PCDHGB5: variants seen among roughly 807,000 people sequenced by gnomAD.
The protein encoded by PCDHGB5 is protocadherin gamma-B5.
In PCDHGB5, 48 loss-of-function variants were observed where a neutral mutation model predicts 62.9. That is an observed-to-expected ratio of 0.76 (90% CI 0.61 to 0.97). PCDHGB5 has a LOEUF of 0.97. Ranked by LOEUF, PCDHGB5 falls within the 50% of genes least tolerant of loss-of-function variation. The pLI, the probability that PCDHGB5 is intolerant of heterozygous loss-of-function variation, is 0.00. For missense variants in PCDHGB5, 1,118 were observed against 1,198.6 expected, an observed-to-expected ratio of 0.93 and a Z score of 0.99; for synonymous variants, 474 against 511.2, an observed-to-expected ratio of 0.93 and a Z score of 0.98.
chr5:141,497,211 G>C (rs914346878), intron 2 of PCDHGB5, among the ~76,000 whole-genome samples: 19 of 28,538 alleles, frequency 6.7e-4, no homozygotes, highest in African/African-American at 2.3e-3. Flanking sequence ...GAGTGTAATG[G>C]GGGGGGGAAG....
At position 141,494,885 on chromosome 5, in the gene PCDHGB5, G is replaced by T; in HGVS notation, c.2456+20G>T. The T allele has an allele frequency of 6.8e-6, 11 of 1,614,082 alleles. No homozygotes were observed. The highest frequency in any genetic ancestry group is 8.5e-6 in the Non-Finnish European group (10 of 1,179,992). Reference sequence around the variant, plus strand: ...CAGCGGGTAGGTGACTGATTCTCCAGCCCACCCTCTTCTCTGCGGCATTTT... The same window carrying T: ...CAGCGGGTAGGTGACTGATTCTCCATCCCACCCTCTTCTCTGCGGCATTTT... On this transcript the variant is annotated intron_variant, in intron 2 of 3. Transcript: ENST00000617380.
At chr5:141,456,309 A>T (rs1305324857) in intron 1 of PCDHGB5, among the ~76,000 whole-genome samples, 1 of 152,138 alleles carries the variant, frequency 6.6e-6, no homozygotes, top group Non-Finnish European at 1.5e-5. Flanking sequence ...AACAGCAGCT[A>T]GGGCTCCTCC....
chr5:141,477,059 A>G lies in PCDHGB5; in HGVS notation c.2398-17748A>G. On this transcript the variant is annotated intron_variant, in intron 1 of 3. Coordinates refer to ENST00000617380, the MANE Select transcript of PCDHGB5 (RefSeq NM_018925.3). This position sits in a 1 kb window ranked among gnomAD's most constrained non-coding sequence, Gnocchi z 4.9. ...CAAGGGTCGGCTGGACTTCGAGGAC[A>G]CCAAACTCCATGAGATTTACATCCA... The G allele has an allele frequency of 1.2e-6, 2 of 1,614,238 alleles. No individual in the cohort carries two copies. Among genetic ancestry groups the G allele is most frequent in the Non-Finnish European group, 1.7e-6 (2 of 1,180,036 alleles).
rs768265171 is a variant in PCDHGB5, at chr5:141,432,847, G to T, written c.2397+32323G>T. The T allele has an allele frequency of 6.2e-7, 1 of 1,614,180 alleles. No homozygotes were observed. On this transcript the variant is annotated intron_variant, in intron 1 of 3. Transcript: ENST00000617380. The surrounding 1 kb of genome is among the most constrained non-coding windows in gnomAD (Gnocchi z 6.0). ...ACCTCACTCTGTACCTGGTGGTAGC[G>T]GTGGCCGCGGTCTCCTGCGTCTTCC...
At chr5:141,451,050 G>A (rs915545429) in intron 1 of PCDHGB5, among the ~76,000 whole-genome samples, 6 of 151,352 alleles carry the variant, frequency 4.0e-5, no homozygotes, top group South Asian at 4.2e-4. Flanking sequence ...GGCTGGTCTC[G>A]AACTCCTGAC....
At chr5:141,418,904 A>C (rs2096300166) in intron 1 of PCDHGB5, 1 of 1,613,998 alleles carries the variant, frequency 6.2e-7, no homozygotes, top group Admixed American at 1.7e-5. Context: ...AGAAATAATC[A>C]TCACGTCACT....
chr5:141,413,984 C>T (rs898207454), intron 1 of PCDHGB5: 2 of 1,613,300 alleles, frequency 1.2e-6, no homozygotes, highest in African/African-American at 2.7e-5. Flanking sequence ...ACAGTCACAG[C>T]CACCGACAGG....
chr5:141,430,560 G>T (rs1184226832), intron 1 of PCDHGB5: 1 of 420,160 alleles, frequency 2.4e-6, no homozygotes, highest in Non-Finnish European at 4.1e-6. Context: ...ACCAATCGGG[G>T]AGAGAAAAGC....
rs1317150359 is a variant in PCDHGB5 at position 141,420,381 on chromosome 5, G to A, written c.2397+19857G>A. On this transcript the variant is annotated intron_variant, in intron 1 of 3. Transcript: ENST00000617380. ...TCTAGATAACTTCTTCATAGAGTTC[G>A]CAAAATATAGGTCAAATTTATGGTT... The A allele has an allele frequency of 1.1e-5, 14 of 1,298,362 alleles. No homozygotes were observed. In the Admixed American group the frequency reaches 1.3e-4, roughly 13 times the overall value. The allele number at this position is 1,298,362 out of a possible 1,614,324, so 80.4% of individuals were successfully genotyped here.
chr5:141,510,289 A>T (rs1279501931), intron 3 of PCDHGB5, among the ~76,000 whole-genome samples: 3 of 151,754 alleles, frequency 2.0e-5, no homozygotes, highest in Non-Finnish European at 4.4e-5. Context: ...AAAAAAAAAA[A>T]AATGCTGTTT....
At position 141,476,749 on chromosome 5, in the gene PCDHGB5, G is replaced by C; in HGVS notation, c.2398-18058G>C. On this transcript the variant is annotated intron_variant, in intron 1 of 3. Transcript: ENST00000617380. The surrounding 1 kb of genome is among the most constrained non-coding windows in gnomAD (Gnocchi z 7.6). ...ACCGAGAACGGGAGCCTAGTCTCCA[G>C]TTAGTGCTGACGGCGTTGGACGGAG... is the stretch of plus-strand genomic sequence containing the variant. 1.9e-6 allele frequency: 3 copies of C among 1,614,042 alleles called. No homozygotes were observed. The highest frequency in any genetic ancestry group is 2.5e-6 in the Non-Finnish European group (3 of 1,180,038).
At chr5:141,410,636 T>G (rs1050547360) in intron 1 of PCDHGB5, 1 of 1,599,982 alleles carries the variant, frequency 6.3e-7, no homozygotes, top group Admixed American at 1.7e-5. Context: ...TTTCTCTTTT[T>G]TGTGTGTGAT....
intron 1 of PCDHGB5, among the ~76,000 whole-genome samples, chr5:141,473,185 G>A (rs1171761852): frequency 1.3e-5 from 2 of 152,188 alleles, no homozygotes; most frequent in Non-Finnish European, 2.9e-5. Flanking sequence ...ACTTGAAGGA[G>A]TAAATGTATC....
intron 1 of PCDHGB5, chr5:141,413,704 A>C (rs749988351): frequency 6.2e-7 from 1 of 1,613,616 alleles, no homozygotes; most frequent in South Asian, 1.1e-5. Flanking sequence ...CTATCAGCTC[A>C]GCCCCAATAA....
At chr5:141,455,438 C>G (rs1350941007) in intron 1 of PCDHGB5, among the ~76,000 whole-genome samples, 1 of 152,082 alleles carries the variant, frequency 6.6e-6, no homozygotes, top group Non-Finnish European at 1.5e-5. Context: ...GAGGAGGTCC[C>G]CATCTACCGC....
intron 1 of PCDHGB5, chr5:141,418,379 C>T: frequency 6.2e-7 from 1 of 1,613,966 alleles, no homozygotes; most frequent in Non-Finnish European, 8.5e-7. Flanking sequence ...CCAACTAAGT[C>T]CTAACGAGTA....
intron 1 of PCDHGB5, chr5:141,484,931 A>G (rs940135310): frequency 1.4e-5 from 7 of 497,998 alleles, no homozygotes; most frequent in Non-Finnish European, 2.5e-5. Flanking sequence ...TGCTGTTGGG[A>G]CGTTCTCTGC....
At position 141,430,782 on chromosome 5, in the gene PCDHGB5, G is replaced by C. The variant is rs1220976669; in HGVS notation, c.2397+30258G>C. 2.0e-6 allele frequency: 3 copies of C among 1,510,858 alleles called. No individual in the cohort carries two copies. The East Asian group carries it at 6.9e-5, about 35-fold the overall frequency. 93.6% of individuals were successfully genotyped at this position (1,510,858 alleles called of 1,614,324 possible). A position where few individuals can be genotyped will look rare whatever the true frequency, so the allele number is the denominator to read the frequency against. ...AGAATGATTCCTGCGCGACTGCACC[G>C]GGACTACAAAGGGCTTGTCCTGCTG... On this transcript the variant is annotated intron_variant, in intron 1 of 3. Coordinates refer to ENST00000617380, the MANE Select transcript of PCDHGB5 (RefSeq NM_018925.3).
At chr5:141,470,182 G>A (rs540599468) in intron 1 of PCDHGB5, among the ~76,000 whole-genome samples, 1 of 152,262 alleles carries the variant, frequency 6.6e-6, no homozygotes, top group Non-Finnish European at 1.5e-5. Context: ...AAATATTCAA[G>A]TAAACTTCAG....
Sources: allele counts gnomAD v4.1 joint callset (sites outside exome capture counted in the v4.1 genomes callset), GRCh38; gene constraint gnomAD v4.1.1; non-coding constraint Gnocchi (gnomAD v3.1); transcripts MANE v1.5; gene names NCBI Gene and HGNC (gene_info 2026-07-23, HGNC 2026-07-21).